Variants in BLMH observed in about 807,000 individuals in gnomAD.
The protein encoded by BLMH is bleomycin hydrolase, also known as BLM hydrolase.
A neutral mutation model predicts 61.6 loss-of-function variants in BLMH; 32 were observed. The ratio of observed to expected loss-of-function variants is 0.52; its 90% CI spans 0.39 to 0.70. The LOEUF is 0.70. BLMH is among the 30% of genes least tolerant of loss of function. The pLI, the probability that BLMH is intolerant of heterozygous loss-of-function variation, is 0.00. For missense variants in BLMH, 460 were observed against 555.5 expected (o/e 0.83, Z 1.73); for synonymous variants, 183 against 193.8 (o/e 0.94, Z 0.46).
chr17:30,272,441 C>T (rs970729482), intron 9 of BLMH, 120 bp downstream of exon 9: 12 of 1,070,156 alleles, frequency 1.1e-5, no homozygotes, highest in African/African-American at 6.3e-5. Context: ...AAGAAAGAGA[C>T]GCGCCCTTAG....
intron 11 of BLMH, among the ~76,000 whole-genome samples, chr17:30,257,773 C>T (rs1907855116): frequency 6.6e-6 from 1 of 152,102 alleles, no homozygotes; most frequent in South Asian, 2.1e-4. Context: ...ACATCGAACC[C>T]AGGTCTTAAA....
At chr17:30,277,230 G>T (rs1908448281) in intron 6 of BLMH, among the ~76,000 whole-genome samples, 1 of 152,150 alleles carries the variant, frequency 6.6e-6, no homozygotes, top group Non-Finnish European at 1.5e-5. Flanking sequence ...TCCCAAGTTG[G>T]TTTCTACCAC....
chr17:30,266,370 A>T (rs961727043), intron 11 of BLMH, among the ~76,000 whole-genome samples: 33 of 151,958 alleles, frequency 2.2e-4, no homozygotes, highest in Non-Finnish European at 4.4e-4. Flanking sequence ...TACTAAAAAT[A>T]CAAAATCAGC....
chr17:30,253,523 G>C (rs1274022244), intron 11 of BLMH, among the ~76,000 whole-genome samples: 1 of 152,166 alleles, frequency 6.6e-6, no homozygotes. Flanking sequence ...CTTGGAGTTT[G>C]ACTGAGAAGA....
At chr17:30,266,441 C>A (rs1239077007) in intron 11 of BLMH, among the ~76,000 whole-genome samples, 3 of 146,930 alleles carry the variant, frequency 2.0e-5, no homozygotes, top group Non-Finnish European at 4.5e-5. Flanking sequence ...AGGAGAATGG[C>A]GTGAACCCGG....
chr17:30,253,491 C>T (rs1165018796), intron 11 of BLMH, among the ~76,000 whole-genome samples: 3 of 152,184 alleles, frequency 2.0e-5, no homozygotes, highest in East Asian at 3.9e-4. Context: ...TTGTGGCTGC[C>T]GTAACTGTTG....
intron 6 of BLMH, among the ~76,000 whole-genome samples, chr17:30,278,041 C>T (rs761982714): frequency 5.5e-4 from 83 of 152,238 alleles, no homozygotes; most frequent in Middle Eastern, 3.4e-3. Context: ...TTAAGTCAGT[C>T]TGTAACACTT....
chr17:30,273,162 G>T, intron 7 of BLMH: 1 of 299,684 alleles, frequency 3.3e-6, no homozygotes, highest in Non-Finnish European at 6.1e-6. Context: ...TGCTCCAAAA[G>T]CAATTTTTTT....
At chr17:30,291,152 T>G in intron 2 of BLMH, 159 bp downstream of exon 2, 12 of 856,762 alleles carry the variant, frequency 1.4e-5, no homozygotes, top group Middle Eastern at 3.5e-4. Flanking sequence ...ACAAACCACA[T>G]GGGTAATGTT....
At position 30,271,404 on chromosome 17, in the gene BLMH, TAGTACAAAATAAAGGG is replaced by T. The variant is rs1475978104; in HGVS notation, c.1029-32_1029-17del. 1 of 1,594,248 alleles carries T rather than the reference TAGTACAAAATAAAGGG, an allele frequency of 6.3e-7. No individual in the cohort carries two copies. The highest frequency in any genetic ancestry group is 8.6e-7 in the Non-Finnish European group (1 of 1,162,200). ...ATGGTCATAGCTGTAAAAAGAATGATAGTACAAAATAAAGGGAGTACGATCATGGGGAAAACTGGCT... is the reference window on the plus strand; with the variant it reads ...ATGGTCATAGCTGTAAAAAGAATGATAGTACGATCATGGGGAAAACTGGCT... On this transcript the variant is annotated splice_polypyrimidine_tract_variant and intron_variant, in intron 9 of 11. Coordinates refer to ENST00000261714, the MANE Select transcript of BLMH (RefSeq NM_000386.4).
rs142692203 is a variant in BLMH at position 30,264,990 on chromosome 17, C to A, written c.1216+1895G>T. ...TGTATTTGTCTTAAAATAAAATTCA[C>A]CTTACAAGAAACCACCAATTTTAAA... On this transcript the variant is annotated intron_variant, in intron 11 of 11. Coordinates refer to ENST00000261714, the MANE Select transcript of BLMH (RefSeq NM_000386.4). Among the ~76,000 whole-genome samples the A allele has an allele frequency of 2.4e-3, 361 of 152,282 alleles. 2 individuals are homozygous for A. Among genetic ancestry groups the A allele is most frequent in the Middle Eastern group, 6.8e-3 (2 of 294 alleles).
chr17:30,255,197 G>C (rs1334081569), intron 11 of BLMH, among the ~76,000 whole-genome samples: 1 of 152,132 alleles, frequency 6.6e-6, no homozygotes, highest in African/African-American at 2.4e-5. Context: ...GGTTCTGTAA[G>C]GTTATAATGT....
chr17:30,256,492 C>T (rs750683763), intron 11 of BLMH, among the ~76,000 whole-genome samples: 3 of 152,028 alleles, frequency 2.0e-5, no homozygotes, highest in African/African-American at 4.8e-5. Context: ...CCATGCCCAG[C>T]TAATTTTTCG....
chr17:30,256,653 A>T (rs1301526404), intron 11 of BLMH, among the ~76,000 whole-genome samples: 1 of 152,092 alleles, frequency 6.6e-6, no homozygotes, highest in Non-Finnish European at 1.5e-5. Flanking sequence ...TATTAAGTCA[A>T]ATTTATCAAT....
rs147674563 is a variant in BLMH, at chr17:30,275,976, C to T, written c.646-1779G>A. On this transcript the variant is annotated intron_variant, in intron 6 of 11. Transcript: ENST00000261714. The stretch of plus-strand genomic sequence containing the variant: ...AGATACTATGTATTTGCTAGGTCCA[C>T]GTAATTCTCATAATACCCTCTCAAG... Among the ~76,000 whole-genome samples, 43 of 152,158 alleles carry T rather than the reference C, an allele frequency of 2.8e-4. 5 individuals carry two copies. The highest frequency in any genetic ancestry group is 1.6e-3 in the Admixed American group (24 of 15,282).
At chr17:30,285,002 GT>G (rs1001591987) in intron 6 of BLMH, among the ~76,000 whole-genome samples, 3 of 152,136 alleles carry the variant, frequency 2.0e-5, no homozygotes, top group African/African-American at 7.2e-5. Context: ...CACCAAATCA[GT>G]TTTTACACAT....
intron 6 of BLMH, among the ~76,000 whole-genome samples, chr17:30,276,684 G>A (rs974700711): frequency 4.6e-5 from 7 of 152,136 alleles, no homozygotes; most frequent in East Asian, 1.9e-4. Flanking sequence ...TCCAAACTCC[G>A]TGACCTAATT....
intron 6 of BLMH, among the ~76,000 whole-genome samples, chr17:30,279,588 G>A (rs1908526683): frequency 6.6e-6 from 1 of 152,102 alleles, no homozygotes; most frequent in Admixed American, 6.6e-5. Flanking sequence ...TATAAAGAAG[G>A]GTCCTACCTC....
chr17:30,278,733 G>T (rs112478119), intron 6 of BLMH, among the ~76,000 whole-genome samples: 1 of 152,116 alleles, frequency 6.6e-6, no homozygotes. Context: ...GCGGTGGCAC[G>T]ATCTCGGCTC....
Sources: allele counts gnomAD v4.1 joint callset (sites outside exome capture counted in the v4.1 genomes callset), GRCh38; gene constraint gnomAD v4.1.1; transcripts MANE v1.5; gene names NCBI Gene and HGNC (gene_info 2026-07-23, HGNC 2026-07-21).